The following SPTBN2 variants were observed in gnomAD, a reference collection of about 807,000 sequenced individuals.
SPTBN2 encodes the protein spectrin beta, non-erythrocytic 2.
In SPTBN2, 107 loss-of-function variants were observed where a neutral mutation model predicts 284.2. The observed-to-expected ratio is 0.38, with a 90% CI of 0.32 to 0.44. The LOEUF (loss-of-function observed/expected upper bound fraction) is 0.44. Among genes scored for constraint, SPTBN2 ranks in the 20% least tolerant of loss-of-function variants. SPTBN2 has a pLI of 1.00. For missense variants in SPTBN2, 2,569 were observed against 3,287.1 expected (o/e 0.78, Z 5.34); for synonymous variants, 1,289 against 1,354.8 (o/e 0.95, Z 1.07).
At chr11:66,723,931 C>A (rs567587405) in intron 1 of SPTBN2, among the ~76,000 whole-genome samples, 68 of 152,118 alleles carry the variant, frequency 4.5e-4, no homozygotes, top group Non-Finnish European at 9.4e-4. Context: ...TAACCAGCAG[C>A]CACACTTAAG....
rs1398302522 is a variant in SPTBN2 at position 66,683,465 on chromosome 11, C to CATTCCATCCT, written c.*2396_*2405dup. Among the ~76,000 whole-genome samples, 9 of 152,222 alleles carry CATTCCATCCT rather than the reference C, an allele frequency of 5.9e-5. No individual in the cohort carries two copies. The highest frequency in any genetic ancestry group is 2.2e-4 in the African/African-American group (9 of 41,462). ...ACTTGTCTCATAGCCCTCACCGCCC[C>CATTCCATCCT]ATTCCATCCTGTTGTCTTTCCTGGA... is the stretch of plus-strand genomic sequence containing the variant. On this transcript the variant is annotated 3_prime_UTR_variant, in exon 38 of 38. Coordinates refer to ENST00000533211, the MANE Select transcript of SPTBN2 (RefSeq NM_006946.4).
rs1303471980 is a variant in SPTBN2 at position 66,718,647 on chromosome 11, AG to A, written c.157+2436del. 1.3e-5 allele frequency among the ~76,000 whole-genome samples: 2 copies of A among 152,228 alleles called. No individual in the cohort carries two copies. Among genetic ancestry groups the A allele is most frequent in the Admixed American group, 6.5e-5 (1 of 15,290 alleles). On this transcript the variant is annotated intron_variant, in intron 3 of 37. Coordinates refer to ENST00000533211, the MANE Select transcript of SPTBN2 (RefSeq NM_006946.4). The surrounding 1 kb of genome is among the most constrained non-coding windows in gnomAD (Gnocchi z 4.8). ...CTGCCAGCTGCTAGTTACAGAGCCC[AG>A]GGCCCAGAGTCCATGCTCCCCGCTG... is the stretch of plus-strand genomic sequence containing the variant.
At chr11:66,740,484 A>G (rs1942888565) in intron 1 of SPTBN2, among the ~76,000 whole-genome samples, 1 of 152,170 alleles carries the variant, frequency 6.6e-6, no homozygotes, top group Non-Finnish European at 1.5e-5. Flanking sequence ...AAGAAAGCAG[A>G]GGGAGGTGAG....
chr11:66,737,911 C>G (rs1942865745), intron 1 of SPTBN2, among the ~76,000 whole-genome samples: 1 of 152,080 alleles, frequency 6.6e-6, no homozygotes, highest in African/African-American at 2.4e-5. Context: ...ATTAAATGAC[C>G]TTTAAGATTT....
chr11:66,702,661 G>A (rs1208099882), intron 15 of SPTBN2, among the ~76,000 whole-genome samples: 9 of 151,900 alleles, frequency 5.9e-5, no homozygotes, highest in South Asian at 2.1e-4. Context: ...TTTACAGACC[G>A]GGCATGGTGG....
intron 27 of SPTBN2, among the ~76,000 whole-genome samples, chr11:66,690,971 C>G (rs1336691927): frequency 6.6e-6 from 1 of 152,132 alleles, no homozygotes; most frequent in Admixed American, 6.5e-5. Context: ...GCATGCGCCA[C>G]CATGCCTGGC....
In SPTBN2 at chr11:66,693,745, C is replaced by T; in HGVS notation, c.4593+27G>A. On this transcript the variant is annotated intron_variant, in intron 23 of 37. Coordinates refer to ENST00000533211, the MANE Select transcript of SPTBN2 (RefSeq NM_006946.4). This position sits in a 1 kb window ranked among gnomAD's most constrained non-coding sequence, Gnocchi z 5.7. ...AGTCTGGGCAGGCTCCTGGGAACTT[C>T]TCTTTTGCCTTCAGCCTCTGCCTCA... 6.2e-7 allele frequency: 1 copy of T among 1,601,122 alleles called. No individual in the cohort carries two copies. Among genetic ancestry groups the T allele is most frequent in the Non-Finnish European group, 8.5e-7 (1 of 1,173,302 alleles).
intron 31 of SPTBN2, 126 bp downstream of exon 31, chr11:66,688,527 C>G: frequency 2.0e-6 from 3 of 1,468,078 alleles, no homozygotes; most frequent in Non-Finnish European, 2.8e-6. Context: ...GACAATGGCA[C>G]TCTCAGCTCA....
chr11:66,697,823 C>G (rs1422701790), intron 20 of SPTBN2, among the ~76,000 whole-genome samples: 1 of 152,174 alleles, frequency 6.6e-6, no homozygotes, highest in South Asian at 2.1e-4. Flanking sequence ...CCATGGGATC[C>G]CTTTCGGACC....
intron 1 of SPTBN2, among the ~76,000 whole-genome samples, chr11:66,741,789 T>C (rs921454526): frequency 2.0e-5 from 3 of 152,206 alleles, no homozygotes; most frequent in Admixed American, 2.0e-4. Context: ...TCTAGTGTTC[T>C]GAGGATGAGG....
chr11:66,706,543 C>T lies in SPTBN2; in HGVS notation c.1654-706G>A, dbSNP rs567290427. Among the ~76,000 whole-genome samples, 101 of 151,984 alleles carry T rather than the reference C, an allele frequency of 6.6e-4. 1 individual carries two copies. Among genetic ancestry groups the T allele is most frequent in the Non-Finnish European group, 5.9e-5 (4 of 68,012 alleles). On this transcript the variant is annotated intron_variant, in intron 13 of 37. Coordinates refer to ENST00000533211, the MANE Select transcript of SPTBN2 (RefSeq NM_006946.4). ...ATGGGGTTTCACCATGTTGGCCAGG[C>T]TGGTCTTGGACTCCTGACCTCAGGT...
chr11:66,742,954 C>T (rs1026441726), intron 1 of SPTBN2, among the ~76,000 whole-genome samples: 2 of 152,198 alleles, frequency 1.3e-5, no homozygotes, highest in Non-Finnish European at 2.9e-5. Context: ...ACCTTGGTTT[C>T]TCACCCATAA....
chr11:66,717,489 C>T (rs570329526), intron 3 of SPTBN2, among the ~76,000 whole-genome samples: 28 of 152,300 alleles, frequency 1.8e-4, no homozygotes, highest in Admixed American at 1.6e-3. Context: ...ACACCCACGT[C>T]GCTCCGTGTC....
At chr11:66,726,480 G>T (rs1335322900) in intron 1 of SPTBN2, among the ~76,000 whole-genome samples, 1 of 152,218 alleles carries the variant, frequency 6.6e-6, no homozygotes, top group African/African-American at 2.4e-5. Flanking sequence ...CTTGTCCAAA[G>T]ATGAGAAGCA....
At position 66,691,497 on chromosome 11, in the gene SPTBN2, A is replaced by G. The variant is rs1590917170; in HGVS notation, c.5352T>C (p.Ala1784=). ...EWKDSLNEAW[A]DLLELLDTRG... ...GTGTGTCCAGCAGCTCAAGCAGGTCAGCCCAGGCCTCGTTGAGACTGTCCT... is the reference window on the plus strand; with the variant it reads ...GTGTGTCCAGCAGCTCAAGCAGGTCGGCCCAGGCCTCGTTGAGACTGTCCT... Residue 1784 remains alanine (A), a synonymous_variant, in exon 27 of 38, where the codon GCT becomes GCC. Coordinates refer to ENST00000533211, the MANE Select transcript of SPTBN2 (RefSeq NM_006946.4). The surrounding 1 kb of genome is among the most constrained non-coding windows in gnomAD (Gnocchi z 8.0). 3 of 1,612,296 alleles carry G rather than the reference A, an allele frequency of 1.9e-6. No individual in the cohort carries two copies. The highest frequency in any genetic ancestry group is 1.3e-5 in the African/African-American group (1 of 75,078).
chr11:66,716,161 G>A (rs2135527713), intron 3 of SPTBN2, among the ~76,000 whole-genome samples, 180 bp from the exon 4 acceptor site: 1 of 152,294 alleles, frequency 6.6e-6, no homozygotes, highest in Admixed American at 6.5e-5. Flanking sequence ...GAGCTCATAA[G>A]CAAGGTAAAG....
Position 66,696,528 on chromosome 11 carries a change from G to A in SPTBN2, c.4027C>T (p.Leu1343Phe), listed in dbSNP as rs777394927. ...LDKVDKEGRE[L>F]TLEKPELKAL... ...TTCAGCTCTGGCTTCTCAAGGGTGA[G>A]CTCTCGCCCTTCCTGGAAGGCAGGA... Residue 1343 changes from leucine to phenylalanine, a missense_variant, in exon 21 of 38, where the codon CTC becomes TTC. Transcript: ENST00000533211. The A allele has an allele frequency of 1.9e-6, 3 of 1,611,598 alleles. No homozygotes were observed. The Admixed American group carries it at 5.0e-5, about 27-fold the overall frequency.
chr11:66,713,164 G>A (rs950906054), intron 8 of SPTBN2, among the ~76,000 whole-genome samples: 7 of 151,396 alleles, frequency 4.6e-5, no homozygotes, highest in Non-Finnish European at 1.0e-4. Context: ...ACAACCCACA[G>A]TCCAGGGCTC....
At chr11:66,719,772 C>T (rs572706898) in intron 3 of SPTBN2, among the ~76,000 whole-genome samples, 5 of 152,190 alleles carry the variant, frequency 3.3e-5, no homozygotes, top group Non-Finnish European at 7.3e-5. Flanking sequence ...CACACATAGA[C>T]ATCATGACAG....
Sources: gnomAD v4.1 joint callset for allele counts (sites outside exome capture counted in the v4.1 genomes callset) on GRCh38, gnomAD v4.1.1 for gene constraint, Gnocchi (gnomAD v3.1) non-coding constraint, MANE v1.5 for transcripts, NCBI Gene and HGNC (gene_info 2026-07-23, HGNC 2026-07-21) for gene names.